Variants in DNAAF11 observed in about 807,000 individuals in gnomAD.
The protein encoded by DNAAF11 is dynein axonemal assembly factor 11.
Under a neutral mutation model 60.8 loss-of-function variants are expected in DNAAF11, and 45 were observed. That is an observed-to-expected ratio of 0.74 (90% CI 0.58 to 0.95). The LOEUF is 0.95. DNAAF11 is among the 40% of genes least tolerant of loss of function. The pLI is 0.00. For synonymous variants in DNAAF11, 191 were observed against 183.5 expected (o/e 1.04, Z -0.33); for missense variants, 546 against 546.2 (o/e 1.00, Z 0.00).
At chr8:132,637,888 C>T (rs1171815512) in intron 4 of DNAAF11, 47 bp downstream of exon 4, 1 of 1,498,594 alleles carries the variant, frequency 6.7e-7, no homozygotes, top group East Asian at 2.3e-5. Context: ...ATTGTAGTTG[C>T]TCATGCTCAT....
chr8:132,656,781 A>T, intron 3 of DNAAF11, 49 bp downstream of exon 3: 1 of 896,970 alleles, frequency 1.1e-6, no homozygotes, highest in Non-Finnish European at 1.8e-6. Flanking sequence ...CTTCTAACTT[A>T]AAATCTCAAT....
At position 132,625,473 on chromosome 8, in the gene DNAAF11, G is replaced by A; in HGVS notation, c.654-19C>T. The stretch of plus-strand genomic sequence containing the variant: ...AGAGGAACTAGGAAAAACAAATAGA[G>A]CACTTAAAAACAATAATGGATTCAT... On this transcript the variant is annotated intron_variant, in intron 5 of 11. Coordinates refer to ENST00000620350, the MANE Select transcript of DNAAF11 (RefSeq NM_012472.6). 1.3e-6 allele frequency: 2 copies of A among 1,575,842 alleles called. No homozygotes were observed. The highest frequency in any genetic ancestry group is 1.7e-6 in the Non-Finnish European group (2 of 1,161,304).
At chr8:132,671,700 A>T (rs928097188) in intron 1 of DNAAF11, among the ~76,000 whole-genome samples, 2 of 152,194 alleles carry the variant, frequency 1.3e-5, no homozygotes, top group Non-Finnish European at 2.9e-5. Flanking sequence ...TGAATCAGAA[A>T]AGAAAGTCGA....
chr8:132,573,682 T>G (rs114141652), intron 11 of DNAAF11, among the ~76,000 whole-genome samples: 113 of 152,358 alleles, frequency 7.4e-4, no homozygotes, highest in African/African-American at 2.6e-3. Context: ...GTCCTCAGAC[T>G]AAGCTCATTC....
chr8:132,654,185 C>T (rs1422591389), intron 3 of DNAAF11, among the ~76,000 whole-genome samples: 2 of 151,808 alleles, frequency 1.3e-5, no homozygotes, highest in Non-Finnish European at 2.9e-5. Flanking sequence ...CAAAAAAGGA[C>T]ATTTTATAAT....
chr8:132,616,241 G>A (rs770430250), intron 7 of DNAAF11, among the ~76,000 whole-genome samples: 2 of 152,116 alleles, frequency 1.3e-5, no homozygotes, highest in African/African-American at 2.4e-5. Context: ...AGGTGGGTGA[G>A]GTCATGTGAG....
chr8:132,612,570 C>G (rs117260397), intron 8 of DNAAF11, among the ~76,000 whole-genome samples: 1 of 152,296 alleles, frequency 6.6e-6, no homozygotes, highest in East Asian at 1.9e-4. Flanking sequence ...CACTGTCCCT[C>G]TCCTTGACAG....
At chr8:132,583,525 G>A (rs1486749869) in intron 11 of DNAAF11, among the ~76,000 whole-genome samples, 169 bp downstream of exon 11, 4 of 152,108 alleles carry the variant, frequency 2.6e-5, no homozygotes, top group African/African-American at 7.2e-5. Flanking sequence ...GGGATGAGGA[G>A]CCCTACAAAG....
intron 11 of DNAAF11, among the ~76,000 whole-genome samples, chr8:132,575,762 T>C (rs1468434032): frequency 6.6e-6 from 1 of 152,112 alleles, no homozygotes; most frequent in East Asian, 1.9e-4. Flanking sequence ...AGAAAACATT[T>C]GTTCTGCTTA....
intron 7 of DNAAF11, among the ~76,000 whole-genome samples, chr8:132,618,812 G>A (rs1819457670): frequency 6.6e-6 from 1 of 152,146 alleles, no homozygotes; most frequent in South Asian, 2.1e-4. Flanking sequence ...GTGTTGGAGA[G>A]GATGTGGAGA....
upstream of DNAAF11, among the ~76,000 whole-genome samples, chr8:132,680,222 A>C (rs1046476487): frequency 1.3e-5 from 2 of 152,252 alleles, no homozygotes; most frequent in Non-Finnish European, 2.9e-5. Context: ...AAAGAGTTTA[A>C]AGAGTTGTGG....
chr8:132,626,708 C>G (rs1225434892), intron 5 of DNAAF11, among the ~76,000 whole-genome samples: 1 of 152,136 alleles, frequency 6.6e-6, no homozygotes, highest in Non-Finnish European at 1.5e-5. Context: ...CCCCTCACCT[C>G]TCCCTAGAAT....
intron 1 of DNAAF11, among the ~76,000 whole-genome samples, chr8:132,665,762 A>C (rs1052960128): frequency 6.6e-6 from 1 of 152,230 alleles, no homozygotes; most frequent in African/African-American, 2.4e-5. Context: ...TACCCAAAGG[A>C]AAATAAATCA....
upstream of DNAAF11, among the ~76,000 whole-genome samples, chr8:132,679,014 C>T (rs1384828123): frequency 6.6e-6 from 1 of 152,142 alleles, no homozygotes; most frequent in East Asian, 1.9e-4. Context: ...GTGCGCTCAA[C>T]ACTGCCCATG....
chr8:132,676,320 A>AAGCTCATTCACCCTCAGATCTTAGC (rs1825758830), upstream of DNAAF11, among the ~76,000 whole-genome samples: 2 of 152,210 alleles, frequency 1.3e-5, no homozygotes, highest in African/African-American at 4.8e-5. Context: ...GCACATCAGC[A>AAGCTCATTCACCCTCAGATCTTAGC]AGCTCATTCA....
chr8:132,573,956 CT>C (rs1349434974), intron 11 of DNAAF11, among the ~76,000 whole-genome samples: 1 of 152,138 alleles, frequency 6.6e-6, no homozygotes, highest in African/African-American at 2.4e-5. Context: ...GGAAAAGGGG[CT>C]TGTGTAGCCT....
Position 132,588,728 on chromosome 8 carries a change from T to C in DNAAF11, c.1141-4949A>G, listed in dbSNP as rs895368149. 4.6e-5 allele frequency among the ~76,000 whole-genome samples: 7 copies of C among 152,278 alleles called. No individual in the cohort carries two copies. In the East Asian group the frequency reaches 1.4e-3, roughly 29 times the overall value. ...TAAAGAAATACCTGAGACTGGGTAA[T>C]TTATAAATAAAAGAGGTTTAATTGA... On this transcript the variant is annotated intron_variant, in intron 10 of 11. Transcript: ENST00000620350.
chr8:132,702,452 G>A, the DNAAF11 span, among the ~76,000 whole-genome samples: 2 of 151,988 alleles, frequency 1.3e-5, no homozygotes, highest in African/African-American at 2.4e-5. Context: ...AGATTAACAC[G>A]GCCGCAGCTA....
At chr8:132,584,647 C>A (rs1017380829) in intron 10 of DNAAF11, among the ~76,000 whole-genome samples, 1 of 152,120 alleles carries the variant, frequency 6.6e-6, no homozygotes, top group African/African-American at 2.4e-5. Flanking sequence ...GAGTGAGTGT[C>A]CATTCCCCTC....
Sources: allele counts gnomAD v4.1 joint callset (sites outside exome capture counted in the v4.1 genomes callset), GRCh38; gene constraint gnomAD v4.1.1; transcripts MANE v1.5; gene names NCBI Gene and HGNC (gene_info 2026-07-23, HGNC 2026-07-21).